The following LUZP2 variants were observed in gnomAD, a reference collection of about 807,000 sequenced individuals.
LUZP2 encodes the protein leucine zipper protein 2.
Under a neutral mutation model 51.6 loss-of-function variants are expected in LUZP2, and 52 were observed. The ratio of observed to expected loss-of-function variants is 1.01; its 90% CI spans 0.81 to 1.27. The LOEUF (loss-of-function observed/expected upper bound fraction) is 1.27, where lower values mean the gene tolerates loss of function less well. Ranked by LOEUF, LUZP2 falls within the 50% of genes most tolerant of loss-of-function variation. The probability of loss-of-function intolerance (pLI) is 0.00; values close to 1 mark genes in which losing one functional copy is unlikely to be tolerated. For synonymous variants in LUZP2, 154 were observed against 137.3 expected (o/e 1.12, Z -0.85); for missense variants, 436 against 395.4 (o/e 1.10, Z -0.87).
chr11:24,654,595 T>G lies in LUZP2; in HGVS notation c.63-74574T>G, dbSNP rs557538394. On this transcript the variant is annotated intron_variant, in intron 1 of 11. Transcript: ENST00000336930. ...TCTGCTCACTGCAACCTCCGCCTCCTGAATTCAAGCCATTCTCCTGCCTCA... is the reference window on the plus strand; with the variant it reads ...TCTGCTCACTGCAACCTCCGCCTCCGGAATTCAAGCCATTCTCCTGCCTCA... Among the ~76,000 whole-genome samples the G allele has an allele frequency of 2.9e-3, 441 of 152,084 alleles. 4 individuals carry two copies. Among genetic ancestry groups the G allele is most frequent in the African/African-American group, 0.01 (420 of 41,502 alleles).
rs569720926 is a variant in LUZP2 at position 24,560,166 on chromosome 11, A to C, written c.62+62861A>C. Among the ~76,000 whole-genome samples the C allele has an allele frequency of 2.6e-5, 4 of 152,224 alleles. No homozygotes were observed. The South Asian group carries it at 8.3e-4, about 32-fold the overall frequency. ...CAGTCCTGCTGGACTACATAAGAGA[A>C]GCTCTTAACGTGTTATGAAATGATG... On this transcript the variant is annotated intron_variant, in intron 1 of 11. Coordinates refer to ENST00000336930, the MANE Select transcript of LUZP2 (RefSeq NM_001009909.4).
chr11:24,800,312 C>A (rs369362277), intron 5 of LUZP2, among the ~76,000 whole-genome samples: 3 of 152,114 alleles, frequency 2.0e-5, no homozygotes, highest in Non-Finnish European at 4.4e-5. Flanking sequence ...TGCCTTGCCA[C>A]GCTAGATTGT....
chr11:24,547,187 A>G (rs1396248250), intron 1 of LUZP2, among the ~76,000 whole-genome samples: 1 of 112,736 alleles, frequency 8.9e-6, no homozygotes, highest in Non-Finnish European at 1.8e-5. Flanking sequence ...GTCCAAAAAC[A>G]TTCTTTACAG....
At chr11:24,746,436 GT>G (rs533579528) in intron 4 of LUZP2, among the ~76,000 whole-genome samples, 65 of 152,256 alleles carry the variant, frequency 4.3e-4, no homozygotes, top group Non-Finnish European at 7.4e-4. Context: ...AAAGTAATAG[GT>G]TTTCCTTTAT....
chr11:24,543,024 G>C (rs939536474), intron 1 of LUZP2, among the ~76,000 whole-genome samples: 43 of 151,574 alleles, frequency 2.8e-4, no homozygotes, highest in African/African-American at 1.0e-3. Flanking sequence ...ATAAATAAAA[G>C]AAGGAATCTT....
intron 7 of LUZP2, among the ~76,000 whole-genome samples, chr11:24,955,447 C>A (rs2133869505): frequency 6.6e-6 from 1 of 151,564 alleles, no homozygotes; most frequent in Middle Eastern, 3.4e-3. Flanking sequence ...ATATATTAGG[C>A]CTGCAGTAAA....
At chr11:24,912,821 G>T (rs1717434096) in intron 6 of LUZP2, among the ~76,000 whole-genome samples, 1 of 152,016 alleles carries the variant, frequency 6.6e-6, no homozygotes, top group Non-Finnish European at 1.5e-5. Flanking sequence ...AGAAAAAAAA[G>T]TTCTGAATAT....
chr11:24,725,494 A>G (rs10834457), intron 1 of LUZP2, among the ~76,000 whole-genome samples: 54,290 of 151,834 alleles, frequency 0.36, 10,089 homozygotes, highest in Non-Finnish European at 0.41. Context: ...ATTTTTATAA[A>G]TGTACATAAA....
intron 5 of LUZP2, among the ~76,000 whole-genome samples, chr11:24,869,700 A>T (rs941041148): frequency 7.9e-5 from 12 of 152,104 alleles, no homozygotes; most frequent in Admixed American, 3.3e-4. Context: ...CACAGAGAAG[A>T]TGGCAAACAA....
chr11:24,797,686 T>A (rs1357689188), intron 5 of LUZP2, among the ~76,000 whole-genome samples: 2 of 152,168 alleles, frequency 1.3e-5, no homozygotes, highest in Non-Finnish European at 2.9e-5. Flanking sequence ...GGGAAACATA[T>A]TTTGTCACTA....
chr11:24,958,270 T>C (rs1855271687), intron 7 of LUZP2, among the ~76,000 whole-genome samples: 1 of 152,200 alleles, frequency 6.6e-6, no homozygotes, highest in South Asian at 2.1e-4. Context: ...ATATACCCAG[T>C]AATGGGATGG....
chr11:24,870,482 C>CAA (rs1565024867), intron 5 of LUZP2, among the ~76,000 whole-genome samples: 1 of 20,662 alleles, frequency 4.8e-5, no homozygotes, highest in Non-Finnish European at 9.9e-5. Context: ...CACACACACA[C>CAA]ACACACAGAC....
intron 1 of LUZP2, among the ~76,000 whole-genome samples, chr11:24,565,721 A>G (rs1345606853): frequency 6.6e-6 from 1 of 152,162 alleles, no homozygotes; most frequent in Non-Finnish European, 1.5e-5. Context: ...AAACACATAG[A>G]AAAGAAAGTG....
intron 10 of LUZP2, among the ~76,000 whole-genome samples, chr11:25,062,587 C>CAAAAAAAAAAAA (rs1163708322): frequency 4.6e-5 from 2 of 43,108 alleles, no homozygotes; most frequent in African/African-American, 1.2e-4. Context: ...AAGACCCTGT[C>CAAAAAAAAAAAA]AAAAAAAAAA....
rs3077994 is a variant in LUZP2, at chr11:24,645,840, A to AGTGT, written c.63-83308_63-83305dup. ...ATACTTAACTTGGACATATATATTA[A>AGTGT]GTGTGTGTGTGTGTGTGTGTGTGTA... On this transcript the variant is annotated intron_variant, in intron 1 of 11. Coordinates refer to ENST00000336930, the MANE Select transcript of LUZP2 (RefSeq NM_001009909.4). Among the ~76,000 whole-genome samples, 445 of 149,788 alleles carry AGTGT rather than the reference A, an allele frequency of 3.0e-3. 6 individuals are homozygous for AGTGT. The highest frequency in any genetic ancestry group is 8.6e-3 in the African/African-American group (351 of 40,988).
chr11:24,957,513 T>C (rs1179534326), intron 7 of LUZP2, among the ~76,000 whole-genome samples: 2 of 152,094 alleles, frequency 1.3e-5, no homozygotes, highest in Admixed American at 1.3e-4. Context: ...ATCCCCTCGA[T>C]GCTTCCCAGC....
At chr11:24,938,146 G>A (rs1046357994) in intron 7 of LUZP2, among the ~76,000 whole-genome samples, 1 of 151,868 alleles carries the variant, frequency 6.6e-6, no homozygotes, top group Non-Finnish European at 1.5e-5. Flanking sequence ...GAAAACACAG[G>A]TTCTAAGTTT....
chr11:24,530,611 G>C (rs10767203), intron 1 of LUZP2, among the ~76,000 whole-genome samples: 28,460 of 150,274 alleles, frequency 0.19, 4,642 homozygotes, highest in African/African-American at 0.44. Context: ...TTGCTACCAT[G>C]TCCAGTATGG....
At chr11:24,617,640 G>C (rs986993139) in intron 1 of LUZP2, among the ~76,000 whole-genome samples, 4 of 152,164 alleles carry the variant, frequency 2.6e-5, no homozygotes, top group African/African-American at 9.6e-5. Flanking sequence ...GGGCAACACA[G>C]TGAAACCTCA....
Sources: allele counts gnomAD v4.1 joint callset (sites outside exome capture counted in the v4.1 genomes callset), GRCh38; gene constraint gnomAD v4.1.1; transcripts MANE v1.5; gene names NCBI Gene and HGNC (gene_info 2026-07-23, HGNC 2026-07-21).